Variants in GRID2 observed in about 807,000 individuals in gnomAD.
The protein encoded by GRID2 is glutamate ionotropic receptor delta type subunit 2.
A neutral mutation model predicts 114.8 loss-of-function variants in GRID2; 33 were observed. The observed-to-expected ratio is 0.29, with a 90% CI of 0.22 to 0.38. The LOEUF (loss-of-function observed/expected upper bound fraction) is 0.38. Among genes scored for constraint, GRID2 ranks in the 10% least tolerant of loss-of-function variants. The pLI is 1.00. For synonymous variants in GRID2, 505 were observed against 449.9 expected (o/e 1.12, Z -1.55); for missense variants, 1,184 against 1,257.7 (o/e 0.94, Z 0.89).
intron 1 of GRID2, among the ~76,000 whole-genome samples, chr4:92,520,546 G>A (rs1560685853): frequency 6.6e-6 from 1 of 151,912 alleles, no homozygotes; most frequent in Admixed American, 6.6e-5. Context: ...AGTGACCTAA[G>A]CCCTGCCTGG....
At chr4:92,914,600 A>G (rs1225990815) in intron 2 of GRID2, among the ~76,000 whole-genome samples, 1 of 151,794 alleles carries the variant, frequency 6.6e-6, no homozygotes, top group Non-Finnish European at 1.5e-5. Flanking sequence ...GCCCTAGTGT[A>G]TGTTGTTCCC....
At chr4:92,353,963 G>A (rs1728195742) in intron 1 of GRID2, among the ~76,000 whole-genome samples, 1 of 151,982 alleles carries the variant, frequency 6.6e-6, no homozygotes, top group Non-Finnish European at 1.5e-5. Context: ...GGCATCCGCA[G>A]AATGTTTTGC....
chr4:93,185,916 G>T (rs1408438541), intron 4 of GRID2, among the ~76,000 whole-genome samples: 2 of 151,970 alleles, frequency 1.3e-5, no homozygotes, highest in Non-Finnish European at 2.9e-5. Flanking sequence ...CCCATGACAG[G>T]CCCCAGTGTG....
At position 93,455,919 on chromosome 4, in the gene GRID2, G is replaced by T. The variant is rs148186798; in HGVS notation, c.1803G>T (p.Thr601=). 21 of 1,611,124 alleles carry T rather than the reference G, an allele frequency of 1.3e-5. No homozygotes were observed. In the Middle Eastern group the frequency reaches 4.9e-4, roughly 38 times the overall value. Residue 601 remains threonine (T), a synonymous_variant, in exon 11 of 16, where the codon ACG becomes ACT. Transcript: ENST00000282020. ...CACGATTACAAATGGGATCAATGAC[G>T]TCTACTACTCTCTACAACTCCATGT... ...NPPRLQMGSM[T]STTLYNSMWF...
chr4:92,461,432 C>T (rs1186881448), intron 1 of GRID2, among the ~76,000 whole-genome samples: 1 of 151,850 alleles, frequency 6.6e-6, no homozygotes, highest in African/African-American at 2.4e-5. Context: ...TAACTGAGGA[C>T]GTGTTGTGTT....
At chr4:93,269,543 C>A (rs1312370350) in intron 8 of GRID2, among the ~76,000 whole-genome samples, 1 of 152,174 alleles carries the variant, frequency 6.6e-6, no homozygotes, top group African/African-American at 2.4e-5. Context: ...AACTGAAAAT[C>A]TCAACCCACA....
intron 3 of GRID2, among the ~76,000 whole-genome samples, chr4:93,096,075 A>C (rs896031627): frequency 1.3e-5 from 2 of 152,000 alleles, no homozygotes; most frequent in Non-Finnish European, 2.9e-5. Flanking sequence ...ACAGGCATAG[A>C]GTGGGGTTGA....
chr4:93,123,010 T>A (rs1733939418), intron 4 of GRID2, among the ~76,000 whole-genome samples: 1 of 151,086 alleles, frequency 6.6e-6, no homozygotes, highest in South Asian at 2.1e-4. Context: ...GCATCAAGTT[T>A]TTCTTTTCTG....
At chr4:93,131,022 A>T (rs1362548616) in intron 4 of GRID2, among the ~76,000 whole-genome samples, 1 of 152,104 alleles carries the variant, frequency 6.6e-6, no homozygotes, top group Non-Finnish European at 1.5e-5. Context: ...ACTAAACAAA[A>T]ATTTCTTAAA....
chr4:92,465,287 A>T (rs2149091022), intron 1 of GRID2, among the ~76,000 whole-genome samples: 1 of 152,018 alleles, frequency 6.6e-6, no homozygotes, highest in Admixed American at 6.6e-5. Context: ...TTAAAAAAAA[A>T]AATTCAGGCA....
chr4:92,436,554 G>GTT (rs1012953637), intron 1 of GRID2, among the ~76,000 whole-genome samples: 7 of 151,834 alleles, frequency 4.6e-5, no homozygotes, highest in Non-Finnish European at 7.4e-5. Context: ...ACTGACATAA[G>GTT]TATCATTTTG....
chr4:93,399,232 A>C (rs1223904124), intron 9 of GRID2, among the ~76,000 whole-genome samples: 4 of 152,044 alleles, frequency 2.6e-5, no homozygotes, highest in Admixed American at 2.6e-4. Context: ...CTTCTATTGA[A>C]ACTGAAATCT....
chr4:92,414,375 A>C lies in GRID2; in HGVS notation c.88+109631A>C, dbSNP rs146567372. ...TTCGTGATTGTCTCCAGTGGCCCTC[A>C]GTAGACTGGCTATGGAAACAAGGAG... is the stretch of plus-strand genomic sequence containing the variant. On this transcript the variant is annotated intron_variant, in intron 1 of 15. Coordinates refer to ENST00000282020, the MANE Select transcript of GRID2 (RefSeq NM_001510.4). 7.4e-3 allele frequency among the ~76,000 whole-genome samples: 1,120 copies of C among 152,336 alleles called. 18 individuals are homozygous for C. Among genetic ancestry groups the C allele is most frequent in the African/African-American group, 0.026 (1,067 of 41,574 alleles).
intron 12 of GRID2, among the ~76,000 whole-genome samples, chr4:93,505,124 T>C (rs536045903): frequency 8.7e-4 from 132 of 152,236 alleles, no homozygotes; most frequent in African/African-American, 2.9e-3. Flanking sequence ...GACTGGTTTA[T>C]GTGCCTTAAG....
Position 92,621,560 on chromosome 4 carries a change from C to A in GRID2, c.244+31274C>A, listed in dbSNP as rs528538853. ...TACCTATAGTCCCAGCTATAGGAAG[C>A]TGAGGTGGGAGGATTGTATGACCCC... On this transcript the variant is annotated intron_variant, in intron 2 of 15. Coordinates refer to ENST00000282020, the MANE Select transcript of GRID2 (RefSeq NM_001510.4). Among the ~76,000 whole-genome samples the A allele has an allele frequency of 9.9e-5, 15 of 151,720 alleles. No homozygotes were observed. The South Asian group carries it at 1.0e-3, about 11-fold the overall frequency.
chr4:93,751,721 G>C (rs1732331644), intron 14 of GRID2, among the ~76,000 whole-genome samples: 1 of 152,088 alleles, frequency 6.6e-6, no homozygotes, highest in South Asian at 2.1e-4. Context: ...ACTAAACCCA[G>C]GTCAGTGAGA....
intron 2 of GRID2, among the ~76,000 whole-genome samples, chr4:92,651,041 CT>C (rs1208019167): frequency 1.3e-5 from 2 of 152,044 alleles, no homozygotes; most frequent in Non-Finnish European, 2.9e-5. Flanking sequence ...ATTTATTTGT[CT>C]GTCAAAGTGG....
chr4:93,227,249 A>T (rs1055954363), intron 7 of GRID2, among the ~76,000 whole-genome samples: 1 of 151,362 alleles, frequency 6.6e-6, no homozygotes, highest in African/African-American at 2.4e-5. Context: ...TATATATATA[A>T]TTTTTTTTGA....
At chr4:92,761,297 T>C (rs1413180796) in intron 2 of GRID2, among the ~76,000 whole-genome samples, 1 of 152,188 alleles carries the variant, frequency 6.6e-6, no homozygotes, top group Non-Finnish European at 1.5e-5. Context: ...TTGCATAGGT[T>C]GTTACAACAG....
Sources: allele counts gnomAD v4.1 joint callset (sites outside exome capture counted in the v4.1 genomes callset), GRCh38; gene constraint gnomAD v4.1.1; transcripts MANE v1.5; gene names NCBI Gene and HGNC (gene_info 2026-07-23, HGNC 2026-07-21).